CPNE1: variants seen among roughly 807,000 people sequenced by gnomAD.
CPNE1 encodes the protein copine 1.
CPNE1 carries 58 observed loss-of-function variants against 63.2 expected under a neutral mutation model. The ratio of observed to expected loss-of-function variants is 0.92; its 90% CI spans 0.74 to 1.14. CPNE1 has a LOEUF of 1.14. CPNE1 is among the 50% of genes most tolerant of loss of function. The pLI is 0.00. For missense variants in CPNE1, 672 were observed against 661.7 expected (o/e 1.02, Z -0.17); for synonymous variants, 237 against 249.0 (o/e 0.95, Z 0.45).
chr20:35,662,165 C>T (rs905648782), intron 1 of CPNE1, among the ~76,000 whole-genome samples: 2 of 152,168 alleles, frequency 1.3e-5, no homozygotes, highest in Non-Finnish European at 2.9e-5. Flanking sequence ...CCATTCCGTA[C>T]TCAAAGGCAG....
chr20:35,648,232 A>G (rs1224017524), intron 1 of CPNE1, among the ~76,000 whole-genome samples: 1 of 152,212 alleles, frequency 6.6e-6, no homozygotes, highest in African/African-American at 2.4e-5. Context: ...CAGATTCTAT[A>G]CTAAAAAGAT....
intron 1 of CPNE1, among the ~76,000 whole-genome samples, chr20:35,642,440 G>C (rs1439875075): frequency 1.3e-5 from 2 of 152,188 alleles, no homozygotes; most frequent in African/African-American, 4.8e-5. Flanking sequence ...TGGCATGCTG[G>C]ATCAGCTCAC....
chr20:35,652,723 A>G (rs780895846), intron 1 of CPNE1: 1 of 1,614,080 alleles, frequency 6.2e-7, no homozygotes, highest in South Asian at 1.1e-5. Context: ...ATCAATAGAC[A>G]CAGTAAAGGG....
At position 35,626,121 on chromosome 20, in the gene CPNE1, G is replaced by A. The variant is rs748496217; in HGVS notation, c.*120C>T. ...TCAAGAGCAGCAAAAGCAGAAACAA[G>A]TATAAAAGTATCAAAAAATACAAAG... On this transcript the variant is annotated 3_prime_UTR_variant, in exon 16 of 16. Transcript: ENST00000397443. The A allele has an allele frequency of 9.4e-7, 1 of 1,065,852 alleles. No homozygotes were observed. The highest frequency in any genetic ancestry group is 1.9e-5 in the Admixed American group (1 of 53,386). The allele number at this position is 1,065,852 out of a possible 1,614,324, so 66.0% of individuals were successfully genotyped here. A position where few individuals can be genotyped will look rare whatever the true frequency, so the allele number is the denominator to read the frequency against.
Position 35,660,877 on chromosome 20 carries a change from C to G in CPNE1, c.-1+3883G>C, listed in dbSNP as rs17092953. Among the ~76,000 whole-genome samples, 822 of 152,286 alleles carry G rather than the reference C, an allele frequency of 5.4e-3. 18 individuals are homozygous for G. Among genetic ancestry groups the G allele is most frequent in the African/African-American group, 0.019 (776 of 41,562 alleles). On this transcript the variant is annotated intron_variant, in intron 1 of 15. Transcript: ENST00000397443. ...TATGTCTATCTTGAGAAGGACATAT[C>G]TGGGGTCAGCCAGTTAAGCTCAAAG...
In CPNE1 at chr20:35,632,221, T is replaced by G. The variant is rs745871143; in HGVS notation, c.398A>C (p.Glu133Ala). ...GGTTACTACACGATTGTCCTTTAAT[T>G]CCTGAGCTGAGACCTAGGTAGGGGA... is the stretch of plus-strand genomic sequence containing the variant. ...GRGTITVSAQ[E>A]LKDNRVVTME... is the part of the protein sequence containing the mutation. Residue 133 changes from glutamate to alanine, a missense_variant, in exon 5 of 16, where the codon GAA becomes GCA. Glu to Ala is a moderately radical substitution (Grantham distance 107, BLOSUM62 -1). Coordinates refer to ENST00000397443, the MANE Select transcript of CPNE1 (RefSeq NM_152925.3). 6.2e-7 allele frequency: 1 copy of G among 1,613,946 alleles called. No homozygotes were observed. The highest frequency in any genetic ancestry group is 8.5e-7 in the Non-Finnish European group (1 of 1,179,988).
chr20:35,644,323 G>A (rs936369873), intron 1 of CPNE1, among the ~76,000 whole-genome samples: 1 of 152,180 alleles, frequency 6.6e-6, no homozygotes, highest in East Asian at 1.9e-4. Flanking sequence ...GACAGGGACA[G>A]CCCCCAAAAG....
intron 1 of CPNE1, chr20:35,649,498 C>A (rs912712495): frequency 6.6e-6 from 1 of 152,550 alleles, no homozygotes; most frequent in Admixed American, 6.5e-5. Flanking sequence ...GTTTCCTAAT[C>A]GAATTTTCAT....
At chr20:35,633,857 G>A (rs1440493345) in intron 1 of CPNE1, among the ~76,000 whole-genome samples, 1 of 150,388 alleles carries the variant, frequency 6.6e-6, no homozygotes, top group Non-Finnish European at 1.5e-5. Context: ...TACTCAGGAG[G>A]CTGAGGCAGG....
chr20:35,629,081 C>T (rs868028959), intron 13 of CPNE1, among the ~76,000 whole-genome samples: 1 of 152,160 alleles, frequency 6.6e-6, no homozygotes, highest in Non-Finnish European at 1.5e-5. Flanking sequence ...TGTGTACACA[C>T]ACACACACAT....
chr20:35,632,420 C>T (rs573636528), intron 3 of CPNE1, 35 bp from the exon 4 acceptor site: 4 of 1,610,922 alleles, frequency 2.5e-6, no homozygotes, highest in South Asian at 1.1e-5. Context: ...TTCAGGATAA[C>T]AGGCAGGGTT....
At chr20:35,642,340 CAAG>C (rs1457856689) in intron 1 of CPNE1, among the ~76,000 whole-genome samples, 1 of 152,206 alleles carries the variant, frequency 6.6e-6, no homozygotes, top group African/African-American at 2.4e-5. Context: ...ACAGAGGCTG[CAAG>C]AAGGTGGCAT....
chr20:35,654,681 TACTGGAGGAGGAACTGGA>T, intron 1 of CPNE1: 3 of 1,613,390 alleles, frequency 1.9e-6, no homozygotes, highest in Non-Finnish European at 2.5e-6. Context: ...GCAATGTAGG[TACTGGAGGAGGAACTGGA>T]ATTGGGGGAA....
At chr20:35,653,074 G>A (rs1405486053) in intron 1 of CPNE1, 1 of 1,613,820 alleles carries the variant, frequency 6.2e-7, no homozygotes, top group African/African-American at 1.3e-5. Flanking sequence ...ACCAGGCCTA[G>A]CATCACCAAA....
intron 1 of CPNE1, chr20:35,651,203 G>C (rs1269375667): frequency 6.6e-6 from 1 of 152,164 alleles, no homozygotes; most frequent in East Asian, 1.9e-4. Flanking sequence ...TCAGAGCACT[G>C]ACTAGGGAAA....
chr20:35,657,891 T>C (rs972902165), intron 1 of CPNE1, among the ~76,000 whole-genome samples: 106 of 152,010 alleles, frequency 7.0e-4, no homozygotes, highest in African/African-American at 2.4e-3. Context: ...TGAAACCCCG[T>C]CTCTACTAAA....
chr20:35,654,116 G>A, intron 1 of CPNE1: 3 of 1,614,216 alleles, frequency 1.9e-6, no homozygotes, highest in Non-Finnish European at 2.5e-6. Context: ...TGAGGAGGGG[G>A]ATGAGTTTGT....
At chr20:35,637,173 T>G (rs954571733) in intron 1 of CPNE1, among the ~76,000 whole-genome samples, 3 of 152,112 alleles carry the variant, frequency 2.0e-5, no homozygotes, top group African/African-American at 7.2e-5. Context: ...CCTACCTAAC[T>G]TCAGGCCTTA....
chr20:35,642,233 A>C (rs1187848378), intron 1 of CPNE1, among the ~76,000 whole-genome samples: 1 of 152,054 alleles, frequency 6.6e-6, no homozygotes, highest in Non-Finnish European at 1.5e-5. Flanking sequence ...GTCAGTCCTT[A>C]ACACTTCCCT....
Sources: gnomAD v4.1 joint callset for allele counts (sites outside exome capture counted in the v4.1 genomes callset) on GRCh38, gnomAD v4.1.1 for gene constraint, MANE v1.5 for transcripts, NCBI Gene and HGNC (gene_info 2026-07-23, HGNC 2026-07-21) for gene names.